Variants in PTGS1 observed in about 807,000 individuals in gnomAD.
The protein encoded by PTGS1 is prostaglandin G/H synthase 1.
In PTGS1, 40 loss-of-function variants were observed where a neutral mutation model predicts 63.0. The ratio of observed to expected loss-of-function variants is 0.63; its 90% confidence interval spans 0.49 to 0.83. PTGS1 has a LOEUF of 0.83. Among genes scored for constraint, PTGS1 ranks in the 40% least tolerant of loss-of-function variants. The pLI, the probability that PTGS1 is intolerant of heterozygous loss-of-function variation, is 0.00. For missense variants in PTGS1, 709 were observed against 786.5 expected (o/e 0.90, Z 1.18); for synonymous variants, 298 against 301.9 (o/e 0.99, Z 0.13).
At chr9:122,383,196 GTTTTTTTTTTCTTTTTT>G (rs1382439087) in intron 7 of PTGS1, among the ~76,000 whole-genome samples, 1 of 141,288 alleles carries the variant, frequency 7.1e-6, no homozygotes, top group Non-Finnish European at 1.5e-5. Flanking sequence ...TTTTTTTTAA[GTTTTTTTTTTCTTTTTT>G]TTTTTTTTCT....
intron 2 of PTGS1, among the ~76,000 whole-genome samples, chr9:122,376,344 TTGTGTGTGTGTGTGTGTGTGTGTGTG>T (rs57350981): frequency 0.037 from 4,673 of 127,074 alleles, 247 homozygotes; most frequent in African/African-American, 0.13. Flanking sequence ...TGGTCCTTGC[TTGTGTGTGTGTGTGTGTGTGTGTGTG>T]TGTGTGTGTG....
chr9:122,391,309 CATATACACACACATATATATGTGTGTGT>C (rs1334264069), intron 10 of PTGS1, among the ~76,000 whole-genome samples: 8,227 of 134,698 alleles, frequency 0.061, 813 homozygotes, highest in African/African-American at 0.21. Context: ...TACATATATA[CATATACACACACATATATATGTGTGTGT>C]ATATATATAC....
chr9:122,388,305 C>T (rs1838003194), intron 9 of PTGS1, among the ~76,000 whole-genome samples: 1 of 152,062 alleles, frequency 6.6e-6, no homozygotes, highest in Admixed American at 6.6e-5. Context: ...CTAGGCCTCT[C>T]AAGGTGCTGG....
Position 122,390,297 on chromosome 9 carries a change from C to A in PTGS1, c.1396C>A (p.Arg466Ser), listed in dbSNP as rs200149499. ...EMRLQPFNEY[R>S]KRFGMKPYTS... ...GCGGCTGCAGCCCTTCAATGAGTAC[C>A]GCAAGAGGTTTGGCATGAAACCCTA... Residue 466 changes from arginine (R) to serine (S), a missense_variant, in exon 10 of 11, where the codon CGC (arginine) becomes AGC (serine). Transcript: ENST00000362012. 3.1e-4 allele frequency: 503 copies of A among 1,614,046 alleles called. 1 individual carries two copies. Among genetic ancestry groups the A allele is most frequent in the Non-Finnish European group, 4.0e-4 (472 of 1,180,034 alleles).
intron 10 of PTGS1, among the ~76,000 whole-genome samples, chr9:122,391,595 C>T (rs919294303): frequency 1.5e-4 from 22 of 151,368 alleles, no homozygotes; most frequent in African/African-American, 5.3e-4. Context: ...AGGGAAGCTC[C>T]ATATTTGTCT....
At position 122,393,871 on chromosome 9, in the gene PTGS1, A is replaced by T. The variant is rs200744620; in HGVS notation, c.*1327A>T. On this transcript the variant is annotated 3_prime_UTR_variant, in exon 11 of 11. Transcript: ENST00000362012. The stretch of plus-strand genomic sequence containing the variant: ...GACAGAATGGTGGAGTGTAGCCTCC[A>T]CCTGATATTCAGGCTACTCATTCAG... The T allele has an allele frequency of 6.6e-6, 1 of 152,000 alleles. No homozygotes were observed. Among genetic ancestry groups the T allele is most frequent in the Non-Finnish European group, 1.5e-5 (1 of 68,002 alleles). The allele number at this position is 152,000 out of a possible 1,614,324, so 9.4% of individuals were successfully genotyped here. A position where few individuals can be genotyped will look rare whatever the true frequency, so the allele number is the denominator to read the frequency against.
At position 122,378,806 on chromosome 9, in the gene PTGS1, C is replaced by T; in HGVS notation, c.384C>T (p.Thr128=). 1 of 1,614,218 alleles carries T rather than the reference C, an allele frequency of 6.2e-7. No individual in the cohort carries two copies. Among genetic ancestry groups the T allele is most frequent in the Admixed American group, 1.7e-5 (1 of 60,026 alleles). ...CCAACCTTATCCCCAGTCCCCCCAC[C>T]TACAACTCAGCACATGACTACATCA... ...VRSNLIPSPP[T]YNSAHDYISW... The change falls in exon 5 of 11, where the codon ACC becomes ACT. Residue 128 remains threonine (T), a synonymous_variant. Coordinates refer to ENST00000362012, the MANE Select transcript of PTGS1 (RefSeq NM_000962.4).
intron 2 of PTGS1, among the ~76,000 whole-genome samples, chr9:122,377,509 T>G: frequency 6.9e-6 from 1 of 144,482 alleles, no homozygotes; most frequent in East Asian, 2.3e-4. Flanking sequence ...GCTACTGAAC[T>G]CTGACTAGGC....
At chr9:122,383,380 T>G in intron 7 of PTGS1, 129 bp from the exon 8 acceptor site, 2 of 1,266,538 alleles carry the variant, frequency 1.6e-6, no homozygotes, top group Non-Finnish European at 1.1e-6. Flanking sequence ...TTAAGAGACA[T>G]TTTGGAGGTG....
chr9:122,380,053 G>A (rs1837416615), intron 5 of PTGS1, among the ~76,000 whole-genome samples: 1 of 152,168 alleles, frequency 6.6e-6, no homozygotes, highest in Admixed American at 6.5e-5. Flanking sequence ...GCCAGACATA[G>A]AAAGATTGGC....
At position 122,375,264 on chromosome 9, in the gene PTGS1, C is replaced by T. The variant is rs1837056605; in HGVS notation, c.95-2635C>T. The T allele has an allele frequency of 5.1e-6, 5 of 984,930 alleles. No individual in the cohort carries two copies. The South Asian group carries it at 2.4e-4, about 46-fold the overall frequency. The allele number at this position is 984,930 out of a possible 1,614,324, so 61.0% of individuals were successfully genotyped here. On this transcript the variant is annotated intron_variant, in intron 2 of 10. Coordinates refer to ENST00000362012, the MANE Select transcript of PTGS1 (RefSeq NM_000962.4). ...GACTGGGAGGGAGGAGCCTCAGCTC[C>T]CGCACAGCCTCTCTTGGCAGGGAGG...
rs1006117739 is a variant in PTGS1 at position 122,378,837 on chromosome 9, G to A, written c.415G>A (p.Glu139Lys). 1 of 1,614,252 alleles carries A rather than the reference G, an allele frequency of 6.2e-7. No homozygotes were observed. ...YNSAHDYISW[E>K]SFSNVSYYTR... Reference sequence around the variant, plus strand: ...CTCAGCACATGACTACATCAGCTGGGAGTCTTTCTCCAACGTGAGCTATTA... The same window carrying A: ...CTCAGCACATGACTACATCAGCTGGAAGTCTTTCTCCAACGTGAGCTATTA... Residue 139 changes from glutamate to lysine, a missense_variant, in exon 5 of 11, where the codon GAG (glutamate) becomes AAG (lysine). Glu to Lys is a moderately conservative substitution (Grantham distance 56). Transcript: ENST00000362012.
Position 122,378,568 on chromosome 9 carries a change from T to A in PTGS1, c.347T>A (p.Leu116His). 1 of 1,614,216 alleles carries A rather than the reference T, an allele frequency of 6.2e-7. No homozygotes were observed. The highest frequency in any genetic ancestry group is 1.1e-5 in the South Asian group (1 of 91,078). The change falls in exon 4 of 11, where the codon CTC (leucine) becomes CAC (histidine). Residue 116 changes from leucine to histidine, a missense_variant. By Grantham distance (99) the Leu-to-His change is moderately conservative. Transcript: ENST00000362012. ...CGAGAGATGCTCATGCGCCTGGTAC[T>A]CACAGGTGGGTGTGGGGCAGGGCCC... ...FIREMLMRLV[L>H]TVRSNLIPSP...
At chr9:122,386,864 T>TGTGA (rs1185686062) in intron 9 of PTGS1, 132 bp downstream of exon 9, 6 of 1,064,012 alleles carry the variant, frequency 5.6e-6, no homozygotes, top group Non-Finnish European at 8.0e-6. Context: ...AGCATTCCTG[T>TGTGA]GTGAGTTCAT....
At chr9:122,391,413 A>G (rs1226906419) in intron 10 of PTGS1, among the ~76,000 whole-genome samples, 3 of 29,436 alleles carry the variant, frequency 1.0e-4, no homozygotes, top group South Asian at 1.4e-3. Context: ...ATATATACAT[A>G]TATATATATA....
Position 122,386,486 on chromosome 9 carries a change from G to A in PTGS1, c.1050G>A (p.Gln350=), listed in dbSNP as rs1327882473. 1.2e-6 allele frequency: 2 copies of A among 1,614,094 alleles called. No homozygotes were observed. Among genetic ancestry groups the A allele is most frequent in the African/African-American group, 2.7e-5 (2 of 74,920 alleles). ...TTGTCATCGAGGAGTACGTGCAGCA[G>A]CTGAGTGGCTATTTCCTGCAGCTGA... ...IKIVIEEYVQ[Q]LSGYFLQLKF... The change falls in exon 9 of 11, where the codon CAG becomes CAA. Residue 350 remains glutamine (Q), a synonymous_variant. Coordinates refer to ENST00000362012, the MANE Select transcript of PTGS1 (RefSeq NM_000962.4).
intron 2 of PTGS1, among the ~76,000 whole-genome samples, chr9:122,373,397 G>C (rs1416216834): frequency 6.6e-6 from 1 of 152,214 alleles, no homozygotes; most frequent in Admixed American, 6.5e-5. Flanking sequence ...AGAGGCAAAG[G>C]AGATGAAGAG....
At chr9:122,392,110 A>G in intron 10 of PTGS1, 79 bp from the exon 11 acceptor site, 2 of 1,276,468 alleles carry the variant, frequency 1.6e-6, no homozygotes, top group Middle Eastern at 2.0e-4. Flanking sequence ...AAAAAGGTGG[A>G]CCTGGAAGGG....
rs149842976 is a variant in PTGS1 at position 122,377,406 on chromosome 9, A to G, written c.95-493A>G. ...GAATGGTGAGGGATCTCGTTTTCCT[A>G]GTGTTCATGGGGTGGTGGTCTGGGA... On this transcript the variant is annotated intron_variant, in intron 2 of 10. Coordinates refer to ENST00000362012, the MANE Select transcript of PTGS1 (RefSeq NM_000962.4). Among the ~76,000 whole-genome samples the G allele has an allele frequency of 2.8e-3, 419 of 151,408 alleles. 3 individuals are homozygous for G. Among genetic ancestry groups the G allele is most frequent in the African/African-American group, 9.8e-3 (404 of 41,260 alleles).
Sources: gnomAD v4.1 joint callset for allele counts (sites outside exome capture counted in the v4.1 genomes callset) on GRCh38, gnomAD v4.1.1 for gene constraint, MANE v1.5 for transcripts, NCBI Gene and HGNC (gene_info 2026-07-23, HGNC 2026-07-21) for gene names.